Variants in HIVEP3 observed in about 807,000 individuals in gnomAD.
HIVEP3 encodes HIVEP zinc finger 3.
HIVEP3 carries 49 observed loss-of-function variants against 152.8 expected under a neutral mutation model. The ratio of observed to expected loss-of-function variants is 0.32; its 90% CI spans 0.26 to 0.41. The LOEUF (loss-of-function observed/expected upper bound fraction) is 0.41, where lower values mean the gene tolerates loss of function less well. Among genes scored for constraint, HIVEP3 ranks in the 10% least tolerant of loss-of-function variants. HIVEP3 has a pLI of 1.00. For synonymous variants in HIVEP3, 1,269 were observed against 1,289.0 expected, an observed-to-expected ratio of 0.98 and a Z score of 0.33; for missense variants, 2,790 against 3,103.3, an observed-to-expected ratio of 0.90 and a Z score of 2.40.
intron 4 of HIVEP3, among the ~76,000 whole-genome samples, chr1:41,579,301 G>A (rs114648189): frequency 2.7e-4 from 41 of 152,318 alleles, no homozygotes; most frequent in African/African-American, 9.6e-4. Context: ...AACAGCAGAT[G>A]TAAGAATTAA....
At chr1:41,916,390 T>C (rs991846413) in intron 1 of HIVEP3, among the ~76,000 whole-genome samples, 1 of 152,132 alleles carries the variant, frequency 6.6e-6, no homozygotes, top group Non-Finnish European at 1.5e-5. Flanking sequence ...GACTTTGCCA[T>C]CAAATTAACA....
chr1:41,797,405 CTG>C (rs1650045293), intron 1 of HIVEP3, among the ~76,000 whole-genome samples: 1 of 152,214 alleles, frequency 6.6e-6, no homozygotes, highest in South Asian at 2.1e-4. Flanking sequence ...GGCTTAAATT[CTG>C]TTTCTCTGCC....
chr1:41,814,017 C>A (rs183243832), intron 1 of HIVEP3, among the ~76,000 whole-genome samples: 2 of 152,324 alleles, frequency 1.3e-5, no homozygotes, highest in African/African-American at 4.8e-5. Context: ...TCCTCCCCAC[C>A]CCTACACGGT....
intron 1 of HIVEP3, among the ~76,000 whole-genome samples, chr1:41,977,027 C>T (rs889341640): frequency 3.3e-5 from 5 of 152,170 alleles, no homozygotes; most frequent in African/African-American, 1.2e-4. Flanking sequence ...CAGCAGTACT[C>T]AACATATCTC....
chr1:41,853,555 CT>C (rs1171751974), intron 1 of HIVEP3, among the ~76,000 whole-genome samples: 2 of 152,140 alleles, frequency 1.3e-5, no homozygotes, highest in Non-Finnish European at 2.9e-5. Flanking sequence ...CTGCTCTCTC[CT>C]TTGACATGTG....
intron 1 of HIVEP3, among the ~76,000 whole-genome samples, chr1:41,735,304 C>T (rs138735673): frequency 0.015 from 2,214 of 152,288 alleles, 25 homozygotes; most frequent in Non-Finnish European, 0.018. Context: ...ACACAGCATG[C>T]ATATTAACAC....
At chr1:41,928,917 A>C (rs536842944) in intron 1 of HIVEP3, among the ~76,000 whole-genome samples, 1 of 152,164 alleles carries the variant, frequency 6.6e-6, no homozygotes, top group African/African-American at 2.4e-5. Context: ...AGGCTGAGGC[A>C]GGAGGATTGC....
intron 1 of HIVEP3, among the ~76,000 whole-genome samples, chr1:41,858,793 C>T (rs538221761): frequency 6.6e-6 from 1 of 152,260 alleles, no homozygotes; most frequent in Admixed American, 6.5e-5. Context: ...AGGGAAGTCA[C>T]GATGGACCAG....
At chr1:41,653,834 G>A (rs1645588541) in intron 2 of HIVEP3, among the ~76,000 whole-genome samples, 1 of 151,750 alleles carries the variant, frequency 6.6e-6, no homozygotes, top group Non-Finnish European at 1.5e-5. Context: ...ACTCACCTAA[G>A]CCAACTCACT....
chr1:42,001,054 G>T (rs1162684621), intron 1 of HIVEP3, among the ~76,000 whole-genome samples: 1 of 152,118 alleles, frequency 6.6e-6, no homozygotes, highest in Non-Finnish European at 1.5e-5. Context: ...GCACAGAGAG[G>T]TCACACCACA....
intron 1 of HIVEP3, among the ~76,000 whole-genome samples, chr1:41,793,554 T>C (rs1157039149): frequency 6.6e-6 from 1 of 152,202 alleles, no homozygotes; most frequent in Non-Finnish European, 1.5e-5. Context: ...TAAGCATTAA[T>C]TCATTAATTC....
At position 41,582,594 on chromosome 1, in the gene HIVEP3, C is replaced by T; in HGVS notation, c.2204G>A (p.Ser735Asn). ...EEPPAFESTK[S>N]QFGSPGPSDA... ...AGATGGCCCGGGGCTGCCAAACTGA[C>T]TTTTTGTGGACTCAAAGGCAGGTGG... Residue 735 changes from serine (S) to asparagine (N), a missense_variant, in exon 4 of 9, where the codon AGT becomes AAT. By Grantham distance (46) the Ser-to-Asn change is conservative. Coordinates refer to ENST00000372583, the MANE Select transcript of HIVEP3 (RefSeq NM_024503.5). The surrounding 1 kb of genome is among the most constrained non-coding windows in gnomAD (Gnocchi z 4.7). The T allele has an allele frequency of 6.2e-7, 1 of 1,612,636 alleles. No homozygotes were observed. Among genetic ancestry groups the T allele is most frequent in the African/African-American group, 1.3e-5 (1 of 74,906 alleles).
chr1:41,511,194 C>T lies in HIVEP3; in HGVS notation c.6478G>A (p.Ala2160Thr), dbSNP rs138753684. ...ATGTGGCCGTGGAAGTCATGGAGGG[C>T]GGAGAAGGGTCGGGAGGAGAGAGGA... is the stretch of plus-strand genomic sequence containing the variant. ...AHPLSSRPFS[A>T]LHDFHGHILA... is the part of the protein sequence containing the mutation. Residue 2160 changes from alanine to threonine, a missense_variant, in exon 9 of 9, where the codon GCC becomes ACC. Physicochemically the swap from Ala to Thr is moderately conservative, Grantham distance 58 (BLOSUM62 0). Around this residue, in one of 9 missense-constraint regions of HIVEP3, gnomAD observed 816 missense variants for 806.5 expected, o/e 1.01. Coordinates refer to ENST00000372583, the MANE Select transcript of HIVEP3 (RefSeq NM_024503.5). The surrounding 1 kb of genome is among the most constrained non-coding windows in gnomAD (Gnocchi z 4.9). The T allele has an allele frequency of 1.9e-4, 314 of 1,613,980 alleles. No individual in the cohort carries two copies. Among genetic ancestry groups the T allele is most frequent in the Non-Finnish European group, 2.3e-4 (275 of 1,179,982 alleles).
intron 1 of HIVEP3, among the ~76,000 whole-genome samples, chr1:41,959,607 C>T (rs1418010738): frequency 1.3e-5 from 2 of 152,158 alleles, no homozygotes; most frequent in Admixed American, 6.6e-5. Context: ...AGGCACTGCC[C>T]TTCGGGAAGT....
chr1:41,982,062 T>C (rs563189507), intron 1 of HIVEP3, among the ~76,000 whole-genome samples: 11 of 152,380 alleles, frequency 7.2e-5, no homozygotes, highest in Admixed American at 2.6e-4. Flanking sequence ...ATCCCACTTG[T>C]AAAACATACT....
chr1:41,562,795 G>A (rs538854711), intron 5 of HIVEP3, among the ~76,000 whole-genome samples: 1 of 152,258 alleles, frequency 6.6e-6, no homozygotes, highest in East Asian at 1.9e-4. Context: ...GGAAATCTGG[G>A]AACCAATCTG....
At chr1:41,685,271 T>A (rs185545464) in intron 2 of HIVEP3, among the ~76,000 whole-genome samples, 1 of 152,320 alleles carries the variant, frequency 6.6e-6, no homozygotes, top group Admixed American at 6.5e-5. Flanking sequence ...AGGGCAGAGA[T>A]CCAGGAGGAC....
chr1:41,722,433 CTTCCTTCCTTCCTTCT>C lies in HIVEP3; in HGVS notation c.-800-21454_-800-21439del, dbSNP rs1646689086. Among the ~76,000 whole-genome samples the C allele has an allele frequency of 5.4e-5, 8 of 149,344 alleles. No homozygotes were observed. In the South Asian group the frequency reaches 1.5e-3, roughly 28 times the overall value. On this transcript the variant is annotated intron_variant, in intron 1 of 8. Transcript: ENST00000372583. ...CCTTCCTTCCTTCCTTCCTTCCTTC[CTTCCTTCCTTCCTTCT>C]TTCCTTCCTTCCTTCCTCCCCTTCC...
chr1:41,647,232 T>TG (rs762533213), intron 2 of HIVEP3, among the ~76,000 whole-genome samples: 10 of 152,210 alleles, frequency 6.6e-5, no homozygotes, highest in Non-Finnish European at 1.2e-4. Context: ...CACCTTTGAG[T>TG]GGGGCATTAT....
Sources: gnomAD v4.1 joint callset for allele counts (sites outside exome capture counted in the v4.1 genomes callset) on GRCh38, gnomAD v4.1.1 for gene constraint, gnomAD v4.1.1 regional missense constraint, Gnocchi (gnomAD v3.1) non-coding constraint, MANE v1.5 for transcripts, NCBI Gene and HGNC (gene_info 2026-07-23, HGNC 2026-07-21) for gene names.